The following SPATS2L variants were observed in gnomAD, a reference collection of about 807,000 sequenced individuals.
SPATS2L encodes the protein spermatogenesis associated serine rich 2 like, also known as SPATS2-like protein.
A neutral mutation model predicts 59.6 loss-of-function variants in SPATS2L; 30 were observed. The ratio of observed to expected loss-of-function variants is 0.50; its 90% CI spans 0.38 to 0.68. The LOEUF (loss-of-function observed/expected upper bound fraction) is 0.68, where lower values mean the gene tolerates loss of function less well. Among genes scored for constraint, SPATS2L ranks in the 30% least tolerant of loss-of-function variants. The pLI is 0.00. For synonymous variants in SPATS2L, 252 were observed against 263.5 expected, an observed-to-expected ratio of 0.96 and a Z score of 0.42; for missense variants, 615 against 700.0, an observed-to-expected ratio of 0.88 and a Z score of 1.37.
At chr2:200,422,845 A>T (rs1470605844) in intron 6 of SPATS2L, among the ~76,000 whole-genome samples, 2 of 152,112 alleles carry the variant, frequency 1.3e-5, no homozygotes, top group Non-Finnish European at 2.9e-5. Flanking sequence ...ACCAATAATA[A>T]ATAGAACAAT....
intron 2 of SPATS2L, among the ~76,000 whole-genome samples, chr2:200,343,768 T>G (rs1397799354): frequency 1.3e-5 from 2 of 152,116 alleles, no homozygotes; most frequent in Non-Finnish European, 2.9e-5. Context: ...GTAGATGCTG[T>G]TGTAGATAAG....
intron 8 of SPATS2L, among the ~76,000 whole-genome samples, chr2:200,444,089 G>A (rs984051497): frequency 2.6e-5 from 4 of 152,144 alleles, no homozygotes; most frequent in South Asian, 2.1e-4. Context: ...TAAATTTTGC[G>A]ACATGAGCAT....
chr2:200,391,158 T>G (rs1470153350), intron 3 of SPATS2L, among the ~76,000 whole-genome samples: 2 of 152,084 alleles, frequency 1.3e-5, no homozygotes, highest in African/African-American at 4.8e-5. Context: ...AGACTTTGTC[T>G]CAAAAAACAA....
chr2:200,419,597 T>G (rs2106011635), intron 6 of SPATS2L, 101 bp downstream of exon 6: 1 of 1,377,062 alleles, frequency 7.3e-7, no homozygotes, highest in Non-Finnish European at 9.9e-7. Flanking sequence ...AATGGAAGGT[T>G]GTTTTTCTGC....
rs367879618 is a variant in SPATS2L, at chr2:200,419,440, G to A, written c.389G>A (p.Arg130His). Residue 130 changes from arginine (R) to histidine (H), a missense_variant, in exon 6 of 13, where the codon CGT becomes CAT. By Grantham distance (29) the Arg-to-His change is conservative. This residue lies in a region of SPATS2L where 227 missense variants were observed against 257.4 expected (regional missense o/e 0.88). Coordinates refer to ENST00000409140, the MANE Select transcript of SPATS2L (RefSeq NM_001100423.2). ...AACGAAAAACCAGCCCTTATCCCTC[G>A]TGAGAAAAAGATCTCGATACTTGAG... The part of the protein sequence containing the change: ...SANEKPALIP[R>H]EKKISILEEP... 55 of 1,613,700 alleles carry A rather than the reference G, an allele frequency of 3.4e-5. No homozygotes were observed. The highest frequency in any genetic ancestry group is 3.9e-5 in the Non-Finnish European group (46 of 1,179,838).
chr2:200,421,065 C>T (rs1011650335), intron 6 of SPATS2L, among the ~76,000 whole-genome samples: 5 of 152,218 alleles, frequency 3.3e-5, no homozygotes, highest in South Asian at 4.2e-4. Context: ...TTTAAACTCC[C>T]GTTATATTCA....
intron 3 of SPATS2L, among the ~76,000 whole-genome samples, chr2:200,411,014 C>CATATAT (rs72177636): frequency 3.1e-4 from 45 of 146,278 alleles, no homozygotes; most frequent in African/African-American, 1.1e-3. Flanking sequence ...CACACACATA[C>CATATAT]ATATATATAT....
At chr2:200,337,058 A>T (rs1223297151) in intron 2 of SPATS2L, among the ~76,000 whole-genome samples, 1 of 152,220 alleles carries the variant, frequency 6.6e-6, no homozygotes, top group Non-Finnish European at 1.5e-5. Flanking sequence ...AATGTAATCT[A>T]TAGTTCATCT....
intron 6 of SPATS2L, among the ~76,000 whole-genome samples, chr2:200,421,662 G>A (rs1263795740): frequency 1.3e-5 from 2 of 152,114 alleles, no homozygotes; most frequent in Admixed American, 6.5e-5. Flanking sequence ...TCCTAAAACC[G>A]AACAATGACA....
chr2:200,333,093 C>A (rs295113), intron 2 of SPATS2L, among the ~76,000 whole-genome samples: 3 of 151,266 alleles, frequency 2.0e-5, no homozygotes, highest in African/African-American at 7.3e-5. Context: ...CCAGCCTGGG[C>A]AACATGGTGA....
intron 3 of SPATS2L, among the ~76,000 whole-genome samples, chr2:200,398,521 T>C (rs1329484677): frequency 6.6e-6 from 1 of 152,212 alleles, no homozygotes; most frequent in Admixed American, 6.5e-5. Flanking sequence ...AGTAATCTTA[T>C]TCTCCATTAA....
chr2:200,347,032 A>G (rs1354948008), intron 2 of SPATS2L, among the ~76,000 whole-genome samples: 6 of 152,182 alleles, frequency 3.9e-5, no homozygotes, highest in African/African-American at 1.2e-4. Context: ...GCCTAATGAA[A>G]GATTTTACAA....
chr2:200,465,425 A>G (rs2086523327), intron 9 of SPATS2L, among the ~76,000 whole-genome samples: 1 of 152,238 alleles, frequency 6.6e-6, no homozygotes. Context: ...TGAAAATGAG[A>G]GTGAGCCACC....
chr2:200,437,104 A>C (rs1427915915), intron 6 of SPATS2L, among the ~76,000 whole-genome samples: 3 of 152,182 alleles, frequency 2.0e-5, no homozygotes, highest in African/African-American at 7.2e-5. Flanking sequence ...AGATGTTGGC[A>C]TCATGCTTCT....
rs966114591 is a variant in SPATS2L at position 200,481,425 on chromosome 2, G to A, written c.*3394G>A. On this transcript the variant is annotated 3_prime_UTR_variant, in exon 13 of 13. Coordinates refer to ENST00000409140, the MANE Select transcript of SPATS2L (RefSeq NM_001100423.2). ...TTCACCATGAGAAGTGGGGATCAAG[G>A]GCCTGCGCAGTTCTTTTCCTAAATC... The A allele has an allele frequency of 1.3e-5, 2 of 152,118 alleles. No individual in the cohort carries two copies. The highest frequency in any genetic ancestry group is 1.5e-5 in the Non-Finnish European group (1 of 68,024). The allele number at this position is 152,118 out of a possible 1,614,324, so 9.4% of individuals were successfully genotyped here.
At chr2:200,338,747 C>T (rs2080225340) in intron 2 of SPATS2L, among the ~76,000 whole-genome samples, 1 of 152,146 alleles carries the variant, frequency 6.6e-6, no homozygotes, top group Non-Finnish European at 1.5e-5. Flanking sequence ...TGGTTAACAC[C>T]AGTGCCAAGG....
At chr2:200,476,516 G>C (rs916282945) in intron 12 of SPATS2L, among the ~76,000 whole-genome samples, 10 of 152,152 alleles carry the variant, frequency 6.6e-5, no homozygotes, top group South Asian at 2.1e-4. Context: ...CCTTGCAACA[G>C]GGGTGCCTCA....
chr2:200,347,723 T>C (rs927257380), intron 2 of SPATS2L, among the ~76,000 whole-genome samples: 9 of 152,116 alleles, frequency 5.9e-5, no homozygotes, highest in Non-Finnish European at 1.5e-5. Context: ...ACTACAAATG[T>C]CCACCCCACC....
chr2:200,417,183 C>A (rs902093301), intron 5 of SPATS2L, among the ~76,000 whole-genome samples: 1 of 152,170 alleles, frequency 6.6e-6, no homozygotes, highest in Non-Finnish European at 1.5e-5. Context: ...GGATATAGTA[C>A]GCCAGTCTAC....
Sources: allele counts gnomAD v4.1 joint callset (sites outside exome capture counted in the v4.1 genomes callset), GRCh38; gene constraint gnomAD v4.1.1; regional missense constraint gnomAD v4.1.1; transcripts MANE v1.5; gene names NCBI Gene and HGNC (gene_info 2026-07-23, HGNC 2026-07-21).